TMEM131: variants seen among roughly 807,000 people sequenced by gnomAD.
TMEM131 encodes transmembrane protein 131.
TMEM131 carries 66 observed loss-of-function variants against 211.6 expected under a neutral mutation model. The observed-to-expected ratio is 0.31, with a 90% CI of 0.26 to 0.38. The LOEUF (loss-of-function observed/expected upper bound fraction) is 0.38. TMEM131 is among the 10% of genes least tolerant of loss of function. The probability of loss-of-function intolerance (pLI) is 1.00; values close to 1 mark genes in which losing one functional copy is unlikely to be tolerated. For synonymous variants in TMEM131, 844 were observed against 841.3 expected, an observed-to-expected ratio of 1.00 and a Z score of -0.06; for missense variants, 2,036 against 2,299.3, an observed-to-expected ratio of 0.89 and a Z score of 2.34.
At chr2:97,864,092 G>C (rs1674174397) in intron 4 of TMEM131, among the ~76,000 whole-genome samples, 1 of 152,210 alleles carries the variant, frequency 6.6e-6, no homozygotes, top group Non-Finnish European at 1.5e-5. Context: ...GATGGAGCTA[G>C]AGAACATTAT....
chr2:97,874,740 G>C (rs900967136), intron 4 of TMEM131, among the ~76,000 whole-genome samples: 1 of 152,144 alleles, frequency 6.6e-6, no homozygotes, highest in Non-Finnish European at 1.5e-5. Flanking sequence ...AATATGGACA[G>C]GAACAACCAG....
chr2:97,761,141 G>A, intron 36 of TMEM131: 1 of 522,180 alleles, frequency 1.9e-6, no homozygotes. Context: ...CACTATGAAA[G>A]AGACCAGGGC....
chr2:97,825,103 C>T (rs1291544654), intron 11 of TMEM131, among the ~76,000 whole-genome samples: 14 of 152,194 alleles, frequency 9.2e-5, no homozygotes, highest in Admixed American at 9.2e-4. Flanking sequence ...ACCACATGTC[C>T]CAACTTATGT....
chr2:97,760,036 G>C (rs1002700965), intron 38 of TMEM131: 2 of 374,562 alleles, frequency 5.3e-6, no homozygotes. Flanking sequence ...TTTGGTACTG[G>C]AAGATTTATT....
intron 1 of TMEM131, among the ~76,000 whole-genome samples, chr2:97,995,241 A>G (rs1442694868): frequency 6.6e-6 from 1 of 152,252 alleles, no homozygotes; most frequent in Non-Finnish European, 1.5e-5. Context: ...ACGAGAAGTC[A>G]GGAAGTTTTG....
chr2:97,898,595 A>C (rs1438650358), intron 3 of TMEM131, among the ~76,000 whole-genome samples: 1 of 152,200 alleles, frequency 6.6e-6, no homozygotes, highest in Non-Finnish European at 1.5e-5. Flanking sequence ...CAAGCTAGGA[A>C]AACAGGTCTC....
At chr2:97,825,750 G>C (rs1484294419) in intron 11 of TMEM131, among the ~76,000 whole-genome samples, 1 of 152,220 alleles carries the variant, frequency 6.6e-6, no homozygotes, top group Non-Finnish European at 1.5e-5. Flanking sequence ...GCATACCTAA[G>C]TAAGAAAACT....
intron 4 of TMEM131, among the ~76,000 whole-genome samples, chr2:97,865,723 T>G (rs977564816): frequency 6.6e-6 from 1 of 152,246 alleles, no homozygotes; most frequent in African/African-American, 2.4e-5. Flanking sequence ...TGTCTGGTTT[T>G]GGTATTAGGG....
rs376110335 is a variant in TMEM131, at chr2:97,888,058, T to C, written c.353A>G (p.His118Arg). ...CCAAAAATTTTAAACTTACTGTTCA[T>C]GGAAATCCAGCATTGGTGGCTCAAA... Reference protein sequence around the residue: ...IRFEPPMLDFHEQPVGMPKME... With the variant: ...IRFEPPMLDFREQPVGMPKME... Residue 118 changes from histidine to arginine, a missense_variant, in exon 4 of 41, where the codon CAT (histidine) becomes CGT (arginine). Physicochemically the swap from His to Arg is conservative, Grantham distance 29 (BLOSUM62 0). Around this residue, in one of 3 missense-constraint regions of TMEM131, gnomAD observed 277 missense variants for 378.0 expected, o/e 0.73. Transcript: ENST00000186436. 6.8e-6 allele frequency: 11 copies of C among 1,613,318 alleles called. No individual in the cohort carries two copies. The highest frequency in any genetic ancestry group is 6.8e-6 in the Non-Finnish European group (8 of 1,179,522).
At position 97,987,523 on chromosome 2, in the gene TMEM131, C is replaced by CA. The variant is rs148508324; in HGVS notation, c.187+7952dup. Among the ~76,000 whole-genome samples, 847 of 151,660 alleles carry CA rather than the reference C, an allele frequency of 5.6e-3. 27 individuals carry two copies. The East Asian group carries it at 0.1, about 18-fold the overall frequency. On this transcript the variant is annotated intron_variant, in intron 1 of 40. Coordinates refer to ENST00000186436, the MANE Select transcript of TMEM131 (RefSeq NM_015348.2). ...TCTCAAAAAAACAAAAAAACAAAAA[C>CA]AAAAAAAAGTCACAAACTGTTAGAA...
At chr2:97,971,303 A>G (rs559003653) in intron 1 of TMEM131, among the ~76,000 whole-genome samples, 10 of 152,208 alleles carry the variant, frequency 6.6e-5, no homozygotes, top group Non-Finnish European at 1.5e-4. Context: ...AATAGCACAC[A>G]AGGAGGTGTT....
chr2:97,850,102 T>C (rs931072501), intron 5 of TMEM131, among the ~76,000 whole-genome samples: 1 of 151,540 alleles, frequency 6.6e-6, no homozygotes, highest in Admixed American at 6.6e-5. Flanking sequence ...TCCGGCAGTA[T>C]GAAAAAAACA....
chr2:97,871,278 TCTGACCTCCAAG>T (rs1674479059), intron 4 of TMEM131, among the ~76,000 whole-genome samples: 1 of 152,216 alleles, frequency 6.6e-6, no homozygotes, highest in Non-Finnish European at 1.5e-5. Flanking sequence ...CCATCTTGCT[TCTGACCTCCAAG>T]CTGTCCTTTG....
Position 97,988,448 on chromosome 2 carries a change from C to A in TMEM131, c.187+7028G>T, listed in dbSNP as rs746038650. Among the ~76,000 whole-genome samples the A allele has an allele frequency of 2.6e-4, 40 of 152,242 alleles. 1 individual carries two copies. Among genetic ancestry groups the A allele is most frequent in the Middle Eastern group, 3.4e-3 (1 of 294 alleles). ...CAAAAGCAAAAGTAACTATATCAAA[C>A]AAAAACTTTTGTTCAAAGAATATGA... is the stretch of plus-strand genomic sequence containing the variant. On this transcript the variant is annotated intron_variant, in intron 1 of 40. Transcript: ENST00000186436.
At chr2:97,806,916 G>A (rs913268812) in intron 19 of TMEM131, among the ~76,000 whole-genome samples, 2 of 152,118 alleles carry the variant, frequency 1.3e-5, no homozygotes, top group African/African-American at 2.4e-5. Context: ...AGCAGAGGGC[G>A]GGCATGCAGC....
chr2:97,809,601 G>A (rs577654545), intron 19 of TMEM131, 87 bp downstream of exon 19: 1 of 881,620 alleles, frequency 1.1e-6, no homozygotes, highest in South Asian at 1.5e-5. Flanking sequence ...AAGAATAACT[G>A]ACTTTACTCT....
intron 2 of TMEM131, among the ~76,000 whole-genome samples, chr2:97,911,146 C>T (rs2104380513): frequency 6.6e-6 from 1 of 152,284 alleles, no homozygotes; most frequent in East Asian, 1.9e-4. Flanking sequence ...CAAAACAACA[C>T]AGATTAATCT....
rs1415454586 is a variant in TMEM131 at position 97,995,506 on chromosome 2, C to T, written c.157G>A (p.Val53Ile). 7 of 1,413,778 alleles carry T rather than the reference C, an allele frequency of 5.0e-6. No individual in the cohort carries two copies. Among genetic ancestry groups the T allele is most frequent in the Non-Finnish European group, 6.5e-6 (7 of 1,078,012 alleles). The allele number at this position is 1,413,778 out of a possible 1,614,324, so 87.6% of individuals were successfully genotyped here. A position where few individuals can be genotyped will look rare whatever the true frequency, so the allele number is the denominator to read the frequency against. The change falls in exon 1 of 41, where the codon GTA becomes ATA. Residue 53 changes from valine to isoleucine, a missense_variant. This residue lies in a region of TMEM131 where 136 missense variants were observed against 115.4 expected (regional missense o/e 1.18). Transcript: ENST00000186436. The stretch of plus-strand genomic sequence containing the variant: ...TTCTCGGCCCGCGCCGCAGCCACTA[C>T]GAGGGTCATCACCAGGTGCAGCGCG... ...LGALHLVMTL[V>I]VAAARAEKEA... is the part of the protein sequence containing the mutation.
At chr2:97,970,093 T>C (rs1265508402) in intron 1 of TMEM131, among the ~76,000 whole-genome samples, 1 of 152,216 alleles carries the variant, frequency 6.6e-6, no homozygotes, top group African/African-American at 2.4e-5. Context: ...GTACAAAGCA[T>C]GAGACACATC....
Sources: allele counts gnomAD v4.1 joint callset (sites outside exome capture counted in the v4.1 genomes callset), GRCh38; gene constraint gnomAD v4.1.1; regional missense constraint gnomAD v4.1.1; transcripts MANE v1.5; gene names NCBI Gene and HGNC (gene_info 2026-07-23, HGNC 2026-07-21).